Variants in LMAN1L observed in about 807,000 individuals in gnomAD.
LMAN1L encodes the protein lectin, mannose binding 1 like.
In LMAN1L, 60 loss-of-function variants were observed where a neutral mutation model predicts 58.3. The observed-to-expected ratio is 1.03, with a 90% confidence interval of 0.84 to 1.27. The LOEUF is 1.27. LMAN1L is among the 50% of genes most tolerant of loss of function. The probability of loss-of-function intolerance (pLI) is 0.00; values close to 1 mark genes in which losing one functional copy is unlikely to be tolerated. For missense variants in LMAN1L, 629 were observed against 674.0 expected, an observed-to-expected ratio of 0.93 and a Z score of 0.74; for synonymous variants, 280 against 271.6, an observed-to-expected ratio of 1.03 and a Z score of -0.31.
In LMAN1L at chr15:74,824,556, A is replaced by C. The variant is rs544801403; in HGVS notation, c.1451+78A>C. 2.0e-6 allele frequency: 3 copies of C among 1,536,858 alleles called. No homozygotes were observed. In the African/African-American group the frequency reaches 4.1e-5, roughly 21 times the overall value. ...CAGCTATAACCATTGGATTTAGGAG[A>C]GGGGACACTTCAGCTCAGAGGGGAC... On this transcript the variant is annotated intron_variant, in intron 13 of 13. Transcript: ENST00000309664.
In LMAN1L at chr15:74,816,265, T is replaced by C. The variant is rs775944695; in HGVS notation, c.284T>C (p.Val95Ala). The C allele has an allele frequency of 4.3e-6, 7 of 1,610,512 alleles. No individual in the cohort carries two copies. In the Admixed American group the frequency reaches 1.2e-4, roughly 27 times the overall value. Residue 95 changes from valine (V) to alanine (A), a missense_variant, in exon 2 of 14, where the codon GTG (valine) becomes GCG (alanine). By Grantham distance (64) the Val-to-Ala change is moderately conservative. Coordinates refer to ENST00000309664, the MANE Select transcript of LMAN1L (RefSeq NM_021819.3). The part of the protein sequence containing the change: ...SVPFSAWEVE[V>A]QMRVTGLGRR... Reference sequence around the variant, plus strand: ...CCCTTCTCTGCCTGGGAAGTAGAGGTGCAGATGAGGGTGACGGGACTGGGG... The same window carrying C: ...CCCTTCTCTGCCTGGGAAGTAGAGGCGCAGATGAGGGTGACGGGACTGGGG...
chr15:74,815,421 G>C (rs1241895198), intron 1 of LMAN1L, among the ~76,000 whole-genome samples: 3 of 152,206 alleles, frequency 2.0e-5, no homozygotes, highest in Non-Finnish European at 4.4e-5. Flanking sequence ...TTCCTGCCAA[G>C]ACTGCCTCAG....
Position 74,825,681 on chromosome 15 carries a change from G to C in LMAN1L, c.*76G>C. On this transcript the variant is annotated 3_prime_UTR_variant, in exon 14 of 14. Coordinates refer to ENST00000309664, the MANE Select transcript of LMAN1L (RefSeq NM_021819.3). ...TGGGGGCTTGGTCAGTATCCTCTCC[G>C]TCTGGGTGCCCAGCTCCCACGCACA... is the stretch of plus-strand genomic sequence containing the variant. 1 of 1,487,744 alleles carries C rather than the reference G, an allele frequency of 6.7e-7. No homozygotes were observed. Among genetic ancestry groups the C allele is most frequent in the South Asian group, 1.2e-5 (1 of 84,662 alleles). 92.2% of individuals were successfully genotyped at this position (1,487,744 alleles called of 1,614,324 possible).
At chr15:74,825,094 G>T (rs1861932372) in intron 13 of LMAN1L, 1 of 174,612 alleles carries the variant, frequency 5.7e-6, no homozygotes, top group African/African-American at 2.3e-5. Flanking sequence ...GATGTGGGGT[G>T]TGCTAAAGGC....
At chr15:74,823,485 G>C in intron 11 of LMAN1L, 74 bp from the exon 12 acceptor site, 1 of 1,554,734 alleles carries the variant, frequency 6.4e-7, no homozygotes, top group Non-Finnish European at 8.8e-7. Flanking sequence ...TGGGGAGATG[G>C]GAAATGATTA....
intron 7 of LMAN1L, 154 bp from the exon 8 acceptor site, chr15:74,820,481 G>A (rs909046311): frequency 1.2e-4 from 116 of 943,144 alleles, no homozygotes; most frequent in Middle Eastern, 3.3e-4. Context: ...AGATGGTGGG[G>A]ATCTGCGTGA....
In LMAN1L at chr15:74,821,193, GC is replaced by G; in HGVS notation, c.1031del (p.Pro344GlnfsTer56). 5 of 1,550,254 alleles carry G rather than the reference GC, an allele frequency of 3.2e-6. No homozygotes were observed. The highest frequency in any genetic ancestry group is 4.4e-6 in the Non-Finnish European group (5 of 1,147,358). ...AGAGACAATGGAAGAAGCAGCTGGG[GC>G]CCCCAGGCCAAGCCAGGCCTGACGG... ...AERQWKKQLGPPGQARPDGGW... is the reference protein window; with the variant it reads ...AERQWKKQLGXPGQARPDGGW... On this transcript the variant is annotated frameshift_variant, in exon 9 of 14. Transcript: ENST00000309664. LOFTEE classifies it high-confidence loss of function.
At chr15:74,819,361 T>A (rs764291666) in intron 6 of LMAN1L, 89 bp downstream of exon 6, 1 of 1,488,528 alleles carries the variant, frequency 6.7e-7, no homozygotes, top group East Asian at 2.3e-5. Flanking sequence ...TGGGGTGGCG[T>A]CAGCCACTTC....
chr15:74,822,725 G>A lies in LMAN1L; in HGVS notation c.1199+16G>A, dbSNP rs1201671572. The stretch of plus-strand genomic sequence containing the variant: ...AAGAGATGAGGTAAGGGACTGGGTG[G>A]GGACCCCTCCACCACCTTGTTTCTC... On this transcript the variant is annotated intron_variant, in intron 11 of 13. Coordinates refer to ENST00000309664, the MANE Select transcript of LMAN1L (RefSeq NM_021819.3). The A allele has an allele frequency of 1.2e-6, 2 of 1,605,172 alleles. No homozygotes were observed. Among genetic ancestry groups the A allele is most frequent in the African/African-American group, 1.3e-5 (1 of 74,746 alleles).
intron 1 of LMAN1L, among the ~76,000 whole-genome samples, chr15:74,813,750 T>C (rs1377444437): frequency 6.6e-6 from 1 of 152,126 alleles, no homozygotes; most frequent in Non-Finnish European, 1.5e-5. Flanking sequence ...CACCTGAGAG[T>C]TGGGCCATGG....
intron 1 of LMAN1L, among the ~76,000 whole-genome samples, chr15:74,814,435 G>A (rs528983684): frequency 1.6e-4 from 24 of 149,526 alleles, no homozygotes; most frequent in East Asian, 4.1e-4. Flanking sequence ...GTGCAGTGGC[G>A]TGATCTCGGC....
chr15:74,813,646 C>T (rs191799320), intron 1 of LMAN1L, among the ~76,000 whole-genome samples: 8 of 152,290 alleles, frequency 5.3e-5, no homozygotes, highest in Non-Finnish European at 1.0e-4. Flanking sequence ...TGGAACTACA[C>T]GATAGAGGGA....
At chr15:74,818,331 G>A (rs952198033) in intron 4 of LMAN1L, among the ~76,000 whole-genome samples, 1 of 152,186 alleles carries the variant, frequency 6.6e-6, no homozygotes, top group African/African-American at 2.4e-5. Context: ...CAGCAAATCT[G>A]GGCAGAGTGG....
Position 74,825,726 on chromosome 15 carries a change from C to G in LMAN1L, c.*121C>G. The G allele has an allele frequency of 1.1e-6, 1 of 942,794 alleles. No individual in the cohort carries two copies. Among genetic ancestry groups the G allele is most frequent in the South Asian group, 1.6e-5 (1 of 63,406 alleles). 58.4% of individuals were successfully genotyped at this position (942,794 alleles called of 1,614,324 possible). On this transcript the variant is annotated 3_prime_UTR_variant, in exon 14 of 14. Transcript: ENST00000309664. Reference sequence around the variant, plus strand: ...CGCACACCTGAGCTTTCGGCATGCTCCCACCTCGTTAAAGGTGATTTCCCT... The same window carrying G: ...CGCACACCTGAGCTTTCGGCATGCTGCCACCTCGTTAAAGGTGATTTCCCT...
chr15:74,824,696 G>T, intron 13 of LMAN1L: 1 of 534,450 alleles, frequency 1.9e-6, no homozygotes. Context: ...CTCTCACGGA[G>T]CTCACTCACA....
chr15:74,824,242 G>GC (rs2063930758), intron 12 of LMAN1L, 109 bp from the exon 13 acceptor site: 3 of 1,048,482 alleles, frequency 2.9e-6, no homozygotes, highest in Non-Finnish European at 4.2e-6. Flanking sequence ...GAGCCAGGAC[G>GC]CCCCAAGCCT....
chr15:74,819,083 C>T lies in LMAN1L; in HGVS notation c.598-69C>T, dbSNP rs1281322479. On this transcript the variant is annotated intron_variant, in intron 5 of 13. Transcript: ENST00000309664. Reference sequence around the variant, plus strand: ...AGCCCTAGGGCCACCTGCCATCCCACGGCCAGGGGAGCCAGGGAGTCAGAG... The same window carrying T: ...AGCCCTAGGGCCACCTGCCATCCCATGGCCAGGGGAGCCAGGGAGTCAGAG... The T allele has an allele frequency of 1.8e-5, 28 of 1,532,970 alleles. No individual in the cohort carries two copies. The Admixed American group carries it at 2.6e-4, about 14-fold the overall frequency. The allele number at this position is 1,532,970 out of a possible 1,614,324, so 95.0% of individuals were successfully genotyped here. A position where few individuals can be genotyped will look rare whatever the true frequency, so the allele number is the denominator to read the frequency against.
At chr15:74,822,574 G>A (rs2063921942) in intron 10 of LMAN1L, 68 bp from the exon 11 acceptor site, 2 of 1,303,954 alleles carry the variant, frequency 1.5e-6, no homozygotes, top group Non-Finnish European at 2.2e-6. Context: ...CAGTGCCGCT[G>A]GGAAGGTGGG....
intron 4 of LMAN1L, 77 bp downstream of exon 4, chr15:74,816,767 G>A: frequency 7.1e-7 from 1 of 1,399,844 alleles, no homozygotes; most frequent in Non-Finnish European, 9.8e-7. Context: ...CCGAGCCCCT[G>A]CCCCAGCCTC....
Sources: gnomAD v4.1 joint callset for allele counts (sites outside exome capture counted in the v4.1 genomes callset) on GRCh38, gnomAD v4.1.1 for gene constraint, MANE v1.5 for transcripts, NCBI Gene and HGNC (gene_info 2026-07-23, HGNC 2026-07-21) for gene names.